The following ZNF480 variants were observed in gnomAD, a reference collection of about 807,000 sequenced individuals.
ZNF480 encodes zinc finger protein 480.
ZNF480 carries 15 observed loss-of-function variants against 14.4 expected under a neutral mutation model. The observed-to-expected ratio is 1.04, with a 90% CI of 0.70 to 1.60. The LOEUF is 1.60. Ranked by LOEUF, ZNF480 falls within the 40% of genes most tolerant of loss-of-function variation. The probability of loss-of-function intolerance (pLI) is 0.00; values close to 1 mark genes in which losing one functional copy is unlikely to be tolerated. For synonymous variants in ZNF480, 218 were observed against 215.5 expected (o/e 1.01, Z -0.10); for missense variants, 593 against 629.7 (o/e 0.94, Z 0.62).
intron 2 of ZNF480, among the ~76,000 whole-genome samples, chr19:52,304,792 A>G (rs1982850229): frequency 6.6e-6 from 1 of 152,068 alleles, no homozygotes; most frequent in Non-Finnish European, 1.5e-5. Context: ...CCATAAATTT[A>G]TAGGTACAGC....
At chr19:52,308,989 G>A (rs576983676) in intron 2 of ZNF480, among the ~76,000 whole-genome samples, 14 of 152,176 alleles carry the variant, frequency 9.2e-5, no homozygotes, top group South Asian at 8.3e-4. Context: ...GTTATGGGAG[G>A]GAGCCTTCCA....
Position 52,324,637 on chromosome 19 carries a change from A to G in ZNF480, c.*1779A>G, listed in dbSNP as rs1230352574. The G allele has an allele frequency of 1.3e-5, 2 of 152,204 alleles. No homozygotes were observed. The highest frequency in any genetic ancestry group is 6.5e-5 in the Admixed American group (1 of 15,270). The allele number at this position is 152,204 out of a possible 1,614,324, so 9.4% of individuals were successfully genotyped here. A position where few individuals can be genotyped will look rare whatever the true frequency, so the allele number is the denominator to read the frequency against. ...TAAGAGAACCCAGAAATAAAGGCAT[A>G]TACCTACAACCATGTGATCCTCAAC... On this transcript the variant is annotated 3_prime_UTR_variant, in exon 5 of 5. Coordinates refer to ENST00000595962, the MANE Select transcript of ZNF480 (RefSeq NM_144684.4).
intron 2 of ZNF480, among the ~76,000 whole-genome samples, chr19:52,306,141 CT>C: frequency 6.6e-6 from 1 of 152,276 alleles, no homozygotes; most frequent in Admixed American, 6.5e-5. Flanking sequence ...ACCAAATGTG[CT>C]TTTCCCCTAA....
intron 2 of ZNF480, chr19:52,313,696 AAC>A (rs894225238): frequency 8.9e-6 from 2 of 223,522 alleles, no homozygotes; most frequent in African/African-American, 4.7e-5. Context: ...AGTATAATAA[AAC>A]ACAATTCACA....
rs1356296098 is a variant in ZNF480 at position 52,324,150 on chromosome 19, T to G, written c.*1292T>G. On this transcript the variant is annotated 3_prime_UTR_variant, in exon 5 of 5. Coordinates refer to ENST00000595962, the MANE Select transcript of ZNF480 (RefSeq NM_144684.4). ...AATTAGTTGCATTTCTATACACCAG[T>G]AATGTCCAAGCTATGAACCAAATCA... The G allele has an allele frequency of 6.6e-6, 1 of 152,146 alleles. No homozygotes were observed. The highest frequency in any genetic ancestry group is 1.5e-5 in the Non-Finnish European group (1 of 68,002). 9.4% of individuals were successfully genotyped at this position (152,146 alleles called of 1,614,324 possible). A position where few individuals can be genotyped will look rare whatever the true frequency, so the allele number is the denominator to read the frequency against.
At chr19:52,300,246 G>A in intron 1 of ZNF480, 148 bp from the exon 2 acceptor site, 1 of 832,754 alleles carries the variant, frequency 1.2e-6, no homozygotes, top group Non-Finnish European at 1.8e-6. Context: ...TCTTCCTGTA[G>A]GAGTTTCTTG....
chr19:52,315,953 G>A lies in ZNF480; in HGVS notation c.319G>A (p.Val107Met), dbSNP rs1177527026. 6.2e-7 allele frequency: 1 copy of A among 1,608,078 alleles called. No homozygotes were observed. Among genetic ancestry groups the A allele is most frequent in the African/African-American group, 1.3e-5 (1 of 74,912 alleles). Reference sequence around the variant, plus strand: ...AGATGGGAGGGAGTGCATCAAAGGTGTGAACACAGGTAAGAGCTCAGATGG... The same window carrying A: ...AGATGGGAGGGAGTGCATCAAAGGTATGAACACAGGTAAGAGCTCAGATGG... The part of the protein sequence containing the change: ...NSDGRECIKG[V>M]NTGSSYALGS... Residue 107 changes from valine (V) to methionine (M), a missense_variant, in exon 4 of 5, where the codon GTG becomes ATG. Coordinates refer to ENST00000595962, the MANE Select transcript of ZNF480 (RefSeq NM_144684.4).
chr19:52,321,681 A>G lies in ZNF480; in HGVS notation c.431A>G (p.Asp144Gly), dbSNP rs1983818464. Residue 144 changes from aspartate (D) to glycine (G), a missense_variant, in exon 5 of 5, where the codon GAT becomes GGT. By Grantham distance (94) the Asp-to-Gly change is moderately conservative. Transcript: ENST00000595962. ...CTGTCTGAACTGGAGCTATTTCCAG[A>G]TGAAAGGGTAATAAATGGATGTAAT... Reference protein sequence around the residue: ...LHLSELELFPDERVINGCNQV... With the variant: ...LHLSELELFPGERVINGCNQV... 1 of 1,614,116 alleles carries G rather than the reference A, an allele frequency of 6.2e-7. No homozygotes were observed. Among genetic ancestry groups the G allele is most frequent in the Non-Finnish European group, 8.5e-7 (1 of 1,179,980 alleles).
intron 2 of ZNF480, among the ~76,000 whole-genome samples, chr19:52,304,314 T>A (rs1391720862): frequency 6.6e-6 from 1 of 152,224 alleles, no homozygotes; most frequent in Non-Finnish European, 1.5e-5. Flanking sequence ...AAGGCAGTCC[T>A]GGCTGCAATG....
chr19:52,300,861 A>T (rs1370312708), intron 2 of ZNF480: 1 of 256,964 alleles, frequency 3.9e-6, no homozygotes, highest in Non-Finnish European at 7.6e-6. Flanking sequence ...AGCAAGGAGT[A>T]GAGAAACAGT....
At chr19:52,307,531 C>G (rs1600215149) in intron 2 of ZNF480, 1 of 152,180 alleles carries the variant, frequency 6.6e-6, no homozygotes, top group South Asian at 2.1e-4. Flanking sequence ...CGTGGGGACC[C>G]TAACCTAGTG....
chr19:52,302,540 C>T (rs947567466), intron 2 of ZNF480, among the ~76,000 whole-genome samples: 1 of 152,162 alleles, frequency 6.6e-6, no homozygotes, highest in African/African-American at 2.4e-5. Flanking sequence ...CTGGAATGCC[C>T]ATCACTGCGA....
Position 52,322,387 on chromosome 19 carries a change from C to G in ZNF480, c.1137C>G (p.Val379=). Residue 379 remains valine (V), a synonymous_variant, in exon 5 of 5, where the codon GTC becomes GTG. Transcript: ENST00000595962. ...ACAAATGTAATGAATGTGGAAAGGT[C>G]TTTATTCAAAATTCGCACCTAGCAC... is the stretch of plus-strand genomic sequence containing the variant. ...KPYKCNECGK[V]FIQNSHLAQH... 1 of 1,613,704 alleles carries G rather than the reference C, an allele frequency of 6.2e-7. No homozygotes were observed. Among genetic ancestry groups the G allele is most frequent in the Non-Finnish European group, 8.5e-7 (1 of 1,179,950 alleles).
intron 2 of ZNF480, among the ~76,000 whole-genome samples, chr19:52,312,448 C>T (rs1177970202): frequency 2.6e-5 from 4 of 152,220 alleles, no homozygotes; most frequent in African/African-American, 9.6e-5. Flanking sequence ...GCATGAGCCA[C>T]CATGCCCAGC....
intron 2 of ZNF480, among the ~76,000 whole-genome samples, chr19:52,313,602 G>A (rs1238889302): frequency 6.6e-6 from 1 of 152,070 alleles, no homozygotes; most frequent in Non-Finnish European, 1.5e-5. Context: ...AGATAACCAT[G>A]GGTTAATTTT....
intron 3 of ZNF480, 146 bp from the exon 4 acceptor site, chr19:52,315,688 C>G (rs976332778): frequency 1.1e-6 from 1 of 892,298 alleles, no homozygotes; most frequent in Non-Finnish European, 1.7e-6. Flanking sequence ...TATAATATTC[C>G]CTAAGCATTC....
At chr19:52,314,629 C>A (rs559868389) in intron 3 of ZNF480, among the ~76,000 whole-genome samples, 1 of 151,660 alleles carries the variant, frequency 6.6e-6, no homozygotes, top group South Asian at 2.1e-4. Context: ...CATGGTGAAA[C>A]CCCATCTCTA....
At chr19:52,298,660 G>T (rs1380552800) in intron 1 of ZNF480, among the ~76,000 whole-genome samples, 1 of 151,318 alleles carries the variant, frequency 6.6e-6, no homozygotes, top group Non-Finnish European at 1.5e-5. Flanking sequence ...GAGACAAATA[G>T]GTGGAGAATG....
At position 52,322,027 on chromosome 19, in the gene ZNF480, C is replaced by T. The variant is rs377040274; in HGVS notation, c.777C>T (p.Tyr259=). 85 of 1,613,916 alleles carry T rather than the reference C, an allele frequency of 5.3e-5. No homozygotes were observed. The highest frequency in any genetic ancestry group is 6.9e-5 in the Non-Finnish European group (81 of 1,179,998). The change falls in exon 5 of 5, where the codon TAC becomes TAT. Residue 259 remains tyrosine (Y), a synonymous_variant. Coordinates refer to ENST00000595962, the MANE Select transcript of ZNF480 (RefSeq NM_144684.4). ...GAATTCATACTGGAGAGAAACCTTA[C>T]AAATGTAATGTCTGTGGCAAGGTTT... ...HCRIHTGEKP[Y]KCNVCGKVFS... is the part of the protein sequence containing the mutation.
Sources: gnomAD v4.1 joint callset for allele counts (sites outside exome capture counted in the v4.1 genomes callset) on GRCh38, gnomAD v4.1.1 for gene constraint, MANE v1.5 for transcripts, NCBI Gene and HGNC (gene_info 2026-07-23, HGNC 2026-07-21) for gene names.